The following ALDOA variants were observed in gnomAD, a reference collection of about 807,000 sequenced individuals.
ALDOA encodes the protein fructose-bisphosphate aldolase A.
ALDOA carries 26 observed loss-of-function variants against 43.9 expected under a neutral mutation model. That is an observed-to-expected ratio of 0.59 (90% CI 0.43 to 0.82). The LOEUF (loss-of-function observed/expected upper bound fraction) is 0.82, where lower values mean the gene tolerates loss of function less well. Ranked by LOEUF, ALDOA falls within the 40% of genes least tolerant of loss-of-function variation. The probability of loss-of-function intolerance (pLI) is 0.00; values close to 1 mark genes in which losing one functional copy is unlikely to be tolerated. For missense variants in ALDOA, 498 were observed against 549.5 expected, an observed-to-expected ratio of 0.91 and a Z score of 0.94; for synonymous variants, 258 against 222.6, an observed-to-expected ratio of 1.16 and a Z score of -1.42.
rs764063310 is a variant in ALDOA, at chr16:30,070,194, C to T, written c.1239C>T (p.Val413=). 5 of 1,614,174 alleles carry T rather than the reference C, an allele frequency of 3.1e-6. No individual in the cohort carries two copies. Among genetic ancestry groups the T allele is most frequent in the South Asian group, 2.2e-5 (2 of 91,080 alleles). ...AGAAASESLF[V]SNHAY is the part of the protein sequence containing the mutation. ...CTGCTGCCAGCGAGTCCCTCTTCGT[C>T]TCTAACCACGCCTATTAAGCGGAGG... The change falls in exon 10 of 10, where the codon GTC becomes GTT. Residue 413 remains valine, a synonymous_variant. Coordinates refer to ENST00000642816, the MANE Select transcript of ALDOA (RefSeq NM_001243177.4).
Position 30,070,327 on chromosome 16 carries a change from C to G in ALDOA, c.*115C>G. ...GGCTTGCCCGCGCTCTTTCTTCCCT[C>G]GTGACAGTGGTGTGTGGTGTCGTCT... On this transcript the variant is annotated 3_prime_UTR_variant, in exon 10 of 10. Coordinates refer to ENST00000642816, the MANE Select transcript of ALDOA (RefSeq NM_001243177.4). 3.2e-6 allele frequency: 3 copies of G among 946,156 alleles called. No individual in the cohort carries two copies. The highest frequency in any genetic ancestry group is 5.0e-5 in the East Asian group (2 of 39,892). The allele number at this position is 946,156 out of a possible 1,614,324, so 58.6% of individuals were successfully genotyped here.
chr16:30,065,277 G>C (rs1280476178), upstream of ALDOA, among the ~76,000 whole-genome samples: 2 of 152,248 alleles, frequency 1.3e-5, no homozygotes, highest in Non-Finnish European at 2.9e-5. Context: ...TCAGCCCGCG[G>C]GCGAGGCAGG....
At chr16:30,064,487 A>G (rs965342109), upstream of ALDOA, 30 of 398,614 alleles carry the variant, frequency 7.5e-5, no homozygotes, top group African/African-American at 6.2e-4. Flanking sequence ...TCCAAGGAAG[A>G]ATTTCCTCTG....
intron 4 of ALDOA, 129 bp downstream of exon 4, chr16:30,067,790 G>A (rs2072174791): frequency 9.6e-7 from 1 of 1,041,748 alleles, no homozygotes; most frequent in Non-Finnish European, 1.5e-6. Flanking sequence ...TCAGGCTTAG[G>A]GCATTTACTC....
chr16:30,066,793 A>C (rs1299856756), intron 1 of ALDOA, 92 bp from the exon 2 acceptor site: 2 of 1,405,336 alleles, frequency 1.4e-6, no homozygotes, highest in Non-Finnish European at 1.9e-6. Context: ...GACCTTTCCC[A>C]TATCTGGGCC....
upstream of ALDOA, chr16:30,064,681 G>C (rs2072040620): frequency 2.6e-6 from 1 of 389,062 alleles, no homozygotes; most frequent in South Asian, 1.4e-4. Context: ...GAGAAGATCG[G>C]GGACACATGT....
At position 30,067,171 on chromosome 16, in the gene ALDOA, G is replaced by C. The variant is rs9783783; in HGVS notation, c.142-63G>C. On this transcript the variant is annotated intron_variant, in intron 2 of 9. Transcript: ENST00000642816. Reference sequence around the variant, plus strand: ...CCTGACCTCCAGGAGAGGGGCCCTGGTCATCGGGAGATGATGGGAAACCCT... The same window carrying C: ...CCTGACCTCCAGGAGAGGGGCCCTGCTCATCGGGAGATGATGGGAAACCCT... 0.49 allele frequency: 791,705 copies of C among 1,605,368 alleles called. 197,338 individuals are homozygous for C. Among genetic ancestry groups the C allele is most frequent in the African/African-American group, 0.62 (46,193 of 74,626 alleles).
intron 1 of ALDOA, 133 bp from the exon 2 acceptor site, chr16:30,066,752 G>T (rs748488818): frequency 2.1e-6 from 2 of 970,432 alleles, no homozygotes; most frequent in Non-Finnish European, 3.0e-6. Context: ...CTCAGATCTG[G>T]CTCCGGGGTT....
intron 5 of ALDOA, 57 bp from the exon 6 acceptor site, chr16:30,068,761 G>T: frequency 6.2e-7 from 1 of 1,614,178 alleles, no homozygotes; most frequent in African/African-American, 1.3e-5. Context: ...GGTGCTGGGA[G>T]GAGTGGAAAC....
At chr16:30,069,699 C>T (rs752184548) in intron 8 of ALDOA, 26 bp downstream of exon 8, 2 of 1,612,928 alleles carry the variant, frequency 1.2e-6, no homozygotes, top group Middle Eastern at 3.3e-4. Flanking sequence ...ATCTTGATCT[C>T]TATGCAGTAG....
chr16:30,069,603 G>T lies in ALDOA; in HGVS notation c.891G>T (p.Lys297Asn). 1 of 1,614,132 alleles carries T rather than the reference G, an allele frequency of 6.2e-7. No homozygotes were observed. The highest frequency in any genetic ancestry group is 8.5e-7 in the Non-Finnish European group (1 of 1,180,042). The stretch of plus-strand genomic sequence containing the variant: ...CCCCAGGCCATGCTTGCACTCAGAA[G>T]TTTTCTCATGAGGAGATTGCCATGG... ...MVTPGHACTQKFSHEEIAMAT... is the reference protein window; with the variant it reads ...MVTPGHACTQNFSHEEIAMAT... The change falls in exon 8 of 10, where the codon AAG (lysine) becomes AAT (asparagine). Residue 297 changes from lysine to asparagine, a missense_variant. Coordinates refer to ENST00000642816, the MANE Select transcript of ALDOA (RefSeq NM_001243177.4).
chr16:30,068,913 C>T lies in ALDOA; in HGVS notation c.637C>T (p.Pro213Ser). 2 of 1,614,238 alleles carry T rather than the reference C, an allele frequency of 1.2e-6. No individual in the cohort carries two copies. Among genetic ancestry groups the T allele is most frequent in the Non-Finnish European group, 1.7e-6 (2 of 1,180,046 alleles). Residue 213 changes from proline to serine, a missense_variant, in exon 6 of 10, where the codon CCC becomes TCC. Pro to Ser is a moderately conservative substitution (Grantham distance 74, BLOSUM62 -1). Transcript: ENST00000642816. ...TGTGCTGAAGATTGGGGAACACACC[C>T]CCTCAGCCCTCGCCATCATGGAAAA... ...RCVLKIGEHT[P>S]SALAIMENAN...
In ALDOA at chr16:30,067,680, G is replaced by A; in HGVS notation, c.486+19G>A. On this transcript the variant is annotated intron_variant, in intron 4 of 9. Coordinates refer to ENST00000642816, the MANE Select transcript of ALDOA (RefSeq NM_001243177.4). ...CATCAAGGTAAGGGGAGGGCCTCCG[G>A]ACGTGAGGTTTGAGATGGAAGTGGA... 6.2e-7 allele frequency: 1 copy of A among 1,613,918 alleles called. No individual in the cohort carries two copies.
In ALDOA at chr16:30,068,911, C is replaced by A. The variant is rs569354275; in HGVS notation, c.635C>A (p.Thr212Asn). 6.2e-7 allele frequency: 1 copy of A among 1,614,250 alleles called. No homozygotes were observed. ...WRCVLKIGEH[T>N]PSALAIMENA... The stretch of plus-strand genomic sequence containing the variant: ...TGTGTGCTGAAGATTGGGGAACACA[C>A]CCCCTCAGCCCTCGCCATCATGGAA... Residue 212 changes from threonine (T) to asparagine (N), a missense_variant, in exon 6 of 10, where the codon ACC (threonine) becomes AAC (asparagine). By Grantham distance (65) the Thr-to-Asn change is moderately conservative. Coordinates refer to ENST00000642816, the MANE Select transcript of ALDOA (RefSeq NM_001243177.4).
Position 30,069,534 on chromosome 16 carries a change from C to T in ALDOA, c.822C>T (p.His274=), listed in dbSNP as rs764440580. ...LAAVYKALSD[H]HIYLEGTLLK... ...CTGTCTACAAGGCTCTGAGTGACCA[C>T]CACATCTACCTGGAAGGCACCTTGC... Residue 274 remains histidine, a synonymous_variant, in exon 8 of 10, where the codon CAC becomes CAT. Coordinates refer to ENST00000642816, the MANE Select transcript of ALDOA (RefSeq NM_001243177.4). 19 of 1,614,020 alleles carry T rather than the reference C, an allele frequency of 1.2e-5. No individual in the cohort carries two copies. The highest frequency in any genetic ancestry group is 1.6e-5 in the Non-Finnish European group (19 of 1,180,040).
chr16:30,066,852 T>G, intron 1 of ALDOA, 33 bp from the exon 2 acceptor site: 3 of 1,538,962 alleles, frequency 1.9e-6, no homozygotes, highest in Non-Finnish European at 2.6e-6. Flanking sequence ...GATCTTTACA[T>G]TCTAAAATAC....
rs1165510525 is a variant in ALDOA at position 30,070,229 on chromosome 16, G to C, written c.*17G>C. 1.9e-6 allele frequency: 3 copies of C among 1,613,536 alleles called. No individual in the cohort carries two copies. Among genetic ancestry groups the C allele is most frequent in the Non-Finnish European group, 2.5e-6 (3 of 1,179,694 alleles). Reference sequence around the variant, plus strand: ...GCCTATTAAGCGGAGGTGTTCCCAGGCTGCCCCCAACACTCCAGGCCCTGC... The same window carrying C: ...GCCTATTAAGCGGAGGTGTTCCCAGCCTGCCCCCAACACTCCAGGCCCTGC... On this transcript the variant is annotated 3_prime_UTR_variant, in exon 10 of 10. Transcript: ENST00000642816.
chr16:30,069,840 C>T lies in ALDOA; in HGVS notation c.972C>T (p.Phe324=). 1.2e-6 allele frequency: 2 copies of T among 1,614,184 alleles called. No homozygotes were observed. The highest frequency in any genetic ancestry group is 1.7e-6 in the Non-Finnish European group (2 of 1,180,042). The stretch of plus-strand genomic sequence containing the variant: ...ACCCCTGCTCTACAGGGATCACCTT[C>T]CTGTCTGGAGGCCAGAGTGAGGAGG... ...TVPPAVTGIT[F]LSGGQSEEEA... The change falls in exon 9 of 10, where the codon TTC becomes TTT. Residue 324 remains phenylalanine, a synonymous_variant. Coordinates refer to ENST00000642816, the MANE Select transcript of ALDOA (RefSeq NM_001243177.4).
chr16:30,069,390 G>T lies in ALDOA; in HGVS notation c.786+1G>T. On this transcript the variant is annotated splice_donor_variant, in intron 7 of 9. Transcript: ENST00000642816. LOFTEE classifies it high-confidence loss of function. ...GCGCTGCCAGTATGTGACCGAGAAG[G>T]TAAATGGCTACCTGCCTGACCAGTG... The T allele has an allele frequency of 6.2e-7, 1 of 1,614,144 alleles. No homozygotes were observed. Among genetic ancestry groups the T allele is most frequent in the Non-Finnish European group, 8.5e-7 (1 of 1,180,012 alleles).
Sources: allele counts gnomAD v4.1 joint callset (sites outside exome capture counted in the v4.1 genomes callset), GRCh38; gene constraint gnomAD v4.1.1; transcripts MANE v1.5; gene names NCBI Gene and HGNC (gene_info 2026-07-23, HGNC 2026-07-21).